HABP2: variants seen among roughly 807,000 people sequenced by gnomAD.
The protein encoded by HABP2 is hyaluronan binding protein 2.
In HABP2, 65 loss-of-function variants were observed where a neutral mutation model predicts 66.5. That is an observed-to-expected ratio of 0.98 (90% confidence interval 0.80 to 1.20). The LOEUF (loss-of-function observed/expected upper bound fraction) is 1.20, where lower values mean the gene tolerates loss of function less well. Among genes scored for constraint, HABP2 ranks in the 50% most tolerant of loss-of-function variants. HABP2 has a pLI of 0.00. For synonymous variants in HABP2, 263 were observed against 253.9 expected (o/e 1.04, Z -0.34); for missense variants, 786 against 691.0 (o/e 1.14, Z -1.54).
At chr10:113,582,380 T>C (rs1303061104) in intron 9 of HABP2, among the ~76,000 whole-genome samples, 2 of 152,228 alleles carry the variant, frequency 1.3e-5, no homozygotes, top group East Asian at 1.9e-4. Flanking sequence ...CTGAGGAAGG[T>C]CAGGGATTTT....
intron 1 of HABP2, among the ~76,000 whole-genome samples, chr10:113,557,776 C>G (rs1050866676): frequency 6.6e-6 from 1 of 152,220 alleles, no homozygotes; most frequent in Non-Finnish European, 1.5e-5. Flanking sequence ...TTAATAGTAG[C>G]AGCAACCACG....
At chr10:113,586,289 A>G (rs1368094609) in intron 12 of HABP2, among the ~76,000 whole-genome samples, 1 of 152,178 alleles carries the variant, frequency 6.6e-6, no homozygotes, top group East Asian at 1.9e-4. Flanking sequence ...GATTTGAACA[A>G]TACAGTCTGC....
chr10:113,556,542 C>T (rs1168108129), intron 1 of HABP2, among the ~76,000 whole-genome samples: 1 of 151,924 alleles, frequency 6.6e-6, no homozygotes, highest in East Asian at 1.9e-4. Flanking sequence ...GACTCTGTCT[C>T]TATCAAAAAA....
At chr10:113,556,182 G>A (rs965685674) in intron 1 of HABP2, among the ~76,000 whole-genome samples, 1 of 152,186 alleles carries the variant, frequency 6.6e-6, no homozygotes, top group Non-Finnish European at 1.5e-5. Context: ...GTTGCAAATT[G>A]GCAGCTTGAA....
At chr10:113,584,616 G>T (rs2133784760) in intron 11 of HABP2, among the ~76,000 whole-genome samples, 1 of 152,280 alleles carries the variant, frequency 6.6e-6, no homozygotes, top group East Asian at 1.9e-4. Flanking sequence ...CAGACAGACT[G>T]GTATTCAATT....
chr10:113,562,056 A>T (rs1371485627), intron 1 of HABP2, among the ~76,000 whole-genome samples: 2 of 152,136 alleles, frequency 1.3e-5, no homozygotes, highest in Non-Finnish European at 2.9e-5. Flanking sequence ...CTAACCTTGA[A>T]GTCAGTGTCC....
chr10:113,578,592 T>A, intron 6 of HABP2, 35 bp from the exon 7 acceptor site: 1 of 1,538,510 alleles, frequency 6.5e-7, no homozygotes, highest in Non-Finnish European at 8.9e-7. Context: ...TGCCAATGGC[T>A]GTTGGTTCTC....
At chr10:113,567,364 C>A (rs1046569699) in intron 1 of HABP2, 125 bp from the exon 2 acceptor site, 3 of 743,272 alleles carry the variant, frequency 4.0e-6, no homozygotes, top group Non-Finnish European at 7.2e-6. Context: ...TCTAGCCCAG[C>A]CACAACCATC....
intron 9 of HABP2, among the ~76,000 whole-genome samples, chr10:113,582,596 T>C (rs1323654782): frequency 3.9e-5 from 6 of 152,246 alleles, no homozygotes; most frequent in Non-Finnish European, 7.3e-5. Context: ...CCCCATTCTA[T>C]CTGCTTCTTT....
chr10:113,574,536 T>C, intron 3 of HABP2, 131 bp downstream of exon 3: 2 of 591,918 alleles, frequency 3.4e-6, no homozygotes, highest in South Asian at 2.2e-5. Context: ...AAGAAATTAT[T>C]TGGACTGGCT....
intron 1 of HABP2, among the ~76,000 whole-genome samples, chr10:113,557,192 C>G (rs1487712030): frequency 6.6e-6 from 1 of 152,118 alleles, no homozygotes; most frequent in African/African-American, 2.4e-5. Context: ...TCCAGAATGC[C>G]AGTCTCTTTC....
At chr10:113,572,962 C>T (rs765943974) in intron 2 of HABP2, among the ~76,000 whole-genome samples, 9 of 152,206 alleles carry the variant, frequency 5.9e-5, no homozygotes, top group Non-Finnish European at 8.8e-5. Flanking sequence ...GATAAAGACT[C>T]TAACAGAATG....
At chr10:113,574,144 C>T (rs1845362794) in intron 2 of HABP2, 145 bp from the exon 3 acceptor site, 3 of 557,956 alleles carry the variant, frequency 5.4e-6, no homozygotes, top group Non-Finnish European at 9.7e-6. Context: ...CTTTCCACTC[C>T]CCTCACTGTG....
chr10:113,579,846 C>G (rs941735386), intron 7 of HABP2, among the ~76,000 whole-genome samples: 4 of 151,796 alleles, frequency 2.6e-5, no homozygotes, highest in Admixed American at 1.3e-4. Context: ...GCAGTGGCAC[C>G]ATCTCAGCTC....
chr10:113,578,644 G>A lies in HABP2; in HGVS notation c.586G>A (p.Val196Ile). The A allele has an allele frequency of 1.2e-6, 2 of 1,613,150 alleles. No individual in the cohort carries two copies. The highest frequency in any genetic ancestry group is 2.2e-5 in the South Asian group (2 of 90,994). ...FCEIGSDDCY[V>I]GDGYSYRGKM... ...TCTCGGAGGTTCTGATGACTGCTAT[G>A]TTGGCGATGGCTACTCTTACCGAGG... Residue 196 changes from valine to isoleucine, a missense_variant, in exon 7 of 13, where the codon GTT becomes ATT. Val to Ile is a conservative substitution (Grantham distance 29). Coordinates refer to ENST00000351270, the MANE Select transcript of HABP2 (RefSeq NM_004132.5).
rs151236416 is a variant in HABP2, at chr10:113,570,087, G to T, written c.106+2562G>T. ...TACTTCCTGAAAGCTAAAACCCAAG[G>T]ACTTTCATGAAACCCAAACCTATAA... On this transcript the variant is annotated intron_variant, in intron 2 of 12. Coordinates refer to ENST00000351270, the MANE Select transcript of HABP2 (RefSeq NM_004132.5). 577 of 152,330 alleles carry T rather than the reference G, an allele frequency of 3.8e-3. 2 individuals are homozygous for T. Among genetic ancestry groups the T allele is most frequent in the African/African-American group, 0.013 (527 of 41,584 alleles). 9.4% of individuals were successfully genotyped at this position (152,330 alleles called of 1,614,324 possible).
upstream of HABP2, among the ~76,000 whole-genome samples, chr10:113,551,305 A>G (rs1444109504): frequency 6.6e-6 from 1 of 152,254 alleles, no homozygotes; most frequent in African/African-American, 2.4e-5. Context: ...CGGCTGTGAC[A>G]TTACAACCTC....
intron 1 of HABP2, among the ~76,000 whole-genome samples, chr10:113,554,649 C>A (rs1321617319): frequency 6.6e-6 from 1 of 152,184 alleles, no homozygotes. Flanking sequence ...CAGGAGAAAT[C>A]ATCGGAGGCC....
chr10:113,588,210 C>A lies in HABP2; in HGVS notation c.1524C>A (p.Asp508Glu). ...QKPGQDTCQGDSGGPLTCEKD... is the reference protein window; with the variant it reads ...QKPGQDTCQGESGGPLTCEKD... ...TATGCCTCTGTTTCCCTTAGGGTGA[C>A]TCTGGAGGCCCCCTGACCTGTGAGA... The change falls in exon 13 of 13, where the codon GAC becomes GAA. Residue 508 changes from aspartate to glutamate, a missense_variant. Transcript: ENST00000351270. The A allele has an allele frequency of 6.2e-7, 1 of 1,602,496 alleles. No homozygotes were observed. Among genetic ancestry groups the A allele is most frequent in the Non-Finnish European group, 8.5e-7 (1 of 1,175,268 alleles).
Sources: gnomAD v4.1 joint callset for allele counts (sites outside exome capture counted in the v4.1 genomes callset) on GRCh38, gnomAD v4.1.1 for gene constraint, MANE v1.5 for transcripts, NCBI Gene and HGNC (gene_info 2026-07-23, HGNC 2026-07-21) for gene names.